The following RNF8 variants were observed in gnomAD, a reference collection of about 807,000 sequenced individuals.
RNF8 encodes E3 ubiquitin-protein ligase RNF8.
Under a neutral mutation model 59.3 loss-of-function variants are expected in RNF8, and 8 were observed. That is an observed-to-expected ratio of 0.13 (90% CI 0.08 to 0.24). RNF8 has a LOEUF of 0.24. RNF8 is among the 10% of genes least tolerant of loss of function. RNF8 has a pLI of 1.00. For missense variants in RNF8, 406 were observed against 572.6 expected, an observed-to-expected ratio of 0.71 and a Z score of 2.97; for synonymous variants, 162 against 200.0, an observed-to-expected ratio of 0.81 and a Z score of 1.60.
intron 4 of RNF8, among the ~76,000 whole-genome samples, chr6:37,371,941 G>A (rs1460789756): frequency 1.3e-5 from 2 of 152,188 alleles, no homozygotes; most frequent in Non-Finnish European, 2.9e-5. Flanking sequence ...CTCTGTTACC[G>A]CAATGTTCCT....
intron 7 of RNF8, among the ~76,000 whole-genome samples, chr6:37,386,428 G>A (rs1770504791): frequency 1.3e-5 from 2 of 152,128 alleles, no homozygotes; most frequent in South Asian, 4.1e-4. Context: ...CTACCGCCCT[G>A]CAGGCACCCG....
At chr6:37,374,171 C>G (rs1260479851) in intron 4 of RNF8, among the ~76,000 whole-genome samples, 1 of 152,148 alleles carries the variant, frequency 6.6e-6, no homozygotes, top group Non-Finnish European at 1.5e-5. Flanking sequence ...CCCATTTCCT[C>G]CTGATTATTT....
chr6:37,361,244 T>C, intron 2 of RNF8: 2 of 454,488 alleles, frequency 4.4e-6, no homozygotes, highest in South Asian at 3.1e-5. Context: ...GGCCAGAGGA[T>C]TGTTTGAGCC....
chr6:37,367,363 A>G (rs1316310580), intron 2 of RNF8, among the ~76,000 whole-genome samples: 5 of 152,184 alleles, frequency 3.3e-5, no homozygotes, highest in African/African-American at 1.2e-4. Context: ...TCTTAACCTC[A>G]ATACTATGAC....
intron 7 of RNF8, among the ~76,000 whole-genome samples, chr6:37,385,395 A>AG: frequency 6.6e-6 from 1 of 150,902 alleles, no homozygotes; most frequent in Non-Finnish European, 1.5e-5. Flanking sequence ...TGGGAGGCTG[A>AG]GGGGGCGTGG....
rs748963191 is a variant in RNF8, at chr6:37,360,431, G to A, written c.112-15G>A. The A allele has an allele frequency of 1.3e-6, 2 of 1,594,522 alleles. No individual in the cohort carries two copies. The highest frequency in any genetic ancestry group is 1.7e-6 in the Non-Finnish European group (2 of 1,179,448). On this transcript the variant is annotated splice_polypyrimidine_tract_variant and intron_variant, in intron 1 of 7. Transcript: ENST00000373479. This position sits in a 1 kb window ranked among gnomAD's most constrained non-coding sequence, Gnocchi z 4.2. ...AATGACTGATGGTATTTCTTGCATTGTTGTTGTCTCCCAGGTGACTGTAGG... is the reference window on the plus strand; with the variant it reads ...AATGACTGATGGTATTTCTTGCATTATTGTTGTCTCCCAGGTGACTGTAGG...
At chr6:37,367,173 T>G (rs1314896513) in intron 2 of RNF8, among the ~76,000 whole-genome samples, 1 of 152,200 alleles carries the variant, frequency 6.6e-6, no homozygotes, top group Non-Finnish European at 1.5e-5. Context: ...GTCTAAATAC[T>G]TGCCATATGT....
chr6:37,377,693 C>G (rs944648726), intron 6 of RNF8, among the ~76,000 whole-genome samples: 1 of 152,148 alleles, frequency 6.6e-6, no homozygotes, highest in Non-Finnish European at 1.5e-5. Flanking sequence ...TAAAGCTGCT[C>G]AATAAAAGCT....
chr6:37,371,665 C>A, intron 4 of RNF8, 91 bp downstream of exon 4: 2 of 1,009,412 alleles, frequency 2.0e-6, no homozygotes, highest in Non-Finnish European at 1.5e-6. Context: ...TGCTGCTTAG[C>A]CCATACCTCT....
chr6:37,374,781 T>C, intron 5 of RNF8, 72 bp downstream of exon 5: 1 of 1,064,102 alleles, frequency 9.4e-7, no homozygotes, highest in Non-Finnish European at 1.4e-6. Flanking sequence ...AGTGCAAGGG[T>C]TGCTAGGGAA....
chr6:37,389,826 C>G (rs1442318580), intron 7 of RNF8, among the ~76,000 whole-genome samples: 1 of 152,148 alleles, frequency 6.6e-6, no homozygotes, highest in African/African-American at 2.4e-5. Flanking sequence ...CTACTTGGTT[C>G]TCTCTCTCCA....
chr6:37,383,248 GAGAC>G (rs1476901037), intron 7 of RNF8, among the ~76,000 whole-genome samples: 10 of 152,198 alleles, frequency 6.6e-5, no homozygotes, highest in Admixed American at 3.9e-4. Flanking sequence ...GTTTTCTCTA[GAGAC>G]AGACAGGTTT....
intron 7 of RNF8, among the ~76,000 whole-genome samples, chr6:37,386,451 C>T (rs539443118): frequency 4.6e-5 from 7 of 152,332 alleles, no homozygotes; most frequent in African/African-American, 1.4e-4. Context: ...AAAGTTTTCA[C>T]AGCTTAGGAG....
Position 37,368,750 on chromosome 6 carries a change from C to G in RNF8, c.507C>G (p.Pro169=), listed in dbSNP as rs1769671938. The stretch of plus-strand genomic sequence containing the variant: ...TAGCAGGTCCTGGAGCTGAAGGCCC[C>G]TCAAATTTGAAATCCAAAATAAATA... ...DELAGPGAEG[P]SNLKSKINKV... Residue 169 remains proline (P), a synonymous_variant, in exon 3 of 8, where the codon CCC becomes CCG. Coordinates refer to ENST00000373479, the MANE Select transcript of RNF8 (RefSeq NM_003958.4). The G allele has an allele frequency of 1.2e-6, 2 of 1,614,134 alleles. No homozygotes were observed. The highest frequency in any genetic ancestry group is 1.7e-6 in the Non-Finnish European group (2 of 1,180,036).
In RNF8 at chr6:37,354,114, C is replaced by G. The variant is rs1328758145; in HGVS notation, c.-51C>G. On this transcript the variant is annotated 5_prime_UTR_variant, in exon 1 of 8. Transcript: ENST00000373479. ...AGGGGATGCACAGAGGCAGCCAGAACCTAGGTCAGGGTCTCGCTCGGTGCT... is the reference window on the plus strand; with the variant it reads ...AGGGGATGCACAGAGGCAGCCAGAAGCTAGGTCAGGGTCTCGCTCGGTGCT... 2 of 1,482,324 alleles carry G rather than the reference C, an allele frequency of 1.3e-6. No homozygotes were observed. The highest frequency in any genetic ancestry group is 2.5e-5 in the East Asian group (1 of 40,576). The allele number at this position is 1,482,324 out of a possible 1,614,324, so 91.8% of individuals were successfully genotyped here. A position where few individuals can be genotyped will look rare whatever the true frequency, so the allele number is the denominator to read the frequency against.
At position 37,368,571 on chromosome 6, in the gene RNF8, G is replaced by A. The variant is rs1324801756; in HGVS notation, c.328G>A (p.Val110Met). 5.0e-6 allele frequency: 8 copies of A among 1,614,050 alleles called. No homozygotes were observed. The highest frequency in any genetic ancestry group is 2.7e-5 in the African/African-American group (2 of 74,926). The change falls in exon 3 of 8, where the codon GTG becomes ATG. Residue 110 changes from valine (V) to methionine (M), a missense_variant. By Grantham distance (21) the Val-to-Met change is conservative (BLOSUM62 1). Coordinates refer to ENST00000373479, the MANE Select transcript of RNF8 (RefSeq NM_003958.4). ...TCAGGGAGACTACATCCAACTTGGA[G>A]TGCCTCTGGAAAATAAGGAGAATGC... ...IHQGDYIQLG[V>M]PLENKENAEY...
chr6:37,388,986 C>T (rs950832094), intron 7 of RNF8, among the ~76,000 whole-genome samples: 4 of 151,658 alleles, frequency 2.6e-5, no homozygotes, highest in Non-Finnish European at 4.4e-5. Context: ...CCTGGCCACA[C>T]TCTTGTCTAG....
At chr6:37,363,100 G>A (rs1363777726) in intron 2 of RNF8, among the ~76,000 whole-genome samples, 1 of 152,160 alleles carries the variant, frequency 6.6e-6, no homozygotes, top group Admixed American at 6.5e-5. Context: ...CTCTCCTGTT[G>A]CTTTTCACCT....
chr6:37,365,176 A>C (rs546823587), intron 2 of RNF8, among the ~76,000 whole-genome samples: 3 of 152,234 alleles, frequency 2.0e-5, no homozygotes, highest in African/African-American at 7.2e-5. Flanking sequence ...GCAATAAAAT[A>C]TAACAAACTG....
Sources: allele counts gnomAD v4.1 joint callset (sites outside exome capture counted in the v4.1 genomes callset), GRCh38; gene constraint gnomAD v4.1.1; non-coding constraint Gnocchi (gnomAD v3.1); transcripts MANE v1.5; gene names NCBI Gene and HGNC (gene_info 2026-07-23, HGNC 2026-07-21).